Variants in ITPRIP observed in about 807,000 individuals in gnomAD.
ITPRIP encodes inositol 1,4,5-trisphosphate receptor-interacting protein.
A neutral mutation model predicts 35.8 loss-of-function variants in ITPRIP; 32 were observed. That is an observed-to-expected ratio of 0.89 (90% CI 0.68 to 1.20). The LOEUF (loss-of-function observed/expected upper bound fraction) is 1.20, where lower values mean the gene tolerates loss of function less well. ITPRIP is among the 50% of genes most tolerant of loss of function. ITPRIP has a pLI of 0.00. For missense variants in ITPRIP, 653 were observed against 735.6 expected (o/e 0.89, Z 1.30); for synonymous variants, 358 against 324.0 (o/e 1.11, Z -1.13).
rs2013474730 is a variant in ITPRIP, at chr10:104,311,108, A to C, written c.*3300T>G. The C allele has an allele frequency of 6.6e-6, 1 of 152,018 alleles. No individual in the cohort carries two copies. Among genetic ancestry groups the C allele is most frequent in the Admixed American group, 6.6e-5 (1 of 15,254 alleles). 9.4% of individuals were successfully genotyped at this position (152,018 alleles called of 1,614,324 possible). Reference sequence around the variant, plus strand: ...CCTGACAAATGCTTGTGGACTATTCATGACCTGCTTGGGAGAAGGGCTCAC... The same window carrying C: ...CCTGACAAATGCTTGTGGACTATTCCTGACCTGCTTGGGAGAAGGGCTCAC... On this transcript the variant is annotated 3_prime_UTR_variant, in exon 2 of 2. Coordinates refer to ENST00000337478, the MANE Select transcript of ITPRIP (RefSeq NM_001272013.2).
chr10:104,323,230 G>C (rs560810702), intron 1 of ITPRIP: 1 of 152,360 alleles, frequency 6.6e-6, no homozygotes, highest in East Asian at 1.9e-4. Context: ...TACATGACCA[G>C]CCATTTAGGA....
At chr10:104,317,127 C>T (rs149833923) in intron 1 of ITPRIP, among the ~76,000 whole-genome samples, 194 of 152,316 alleles carry the variant, frequency 1.3e-3, no homozygotes, top group African/African-American at 4.3e-3. Context: ...AGACCTTACC[C>T]CATATTCAGA....
At chr10:104,338,069 G>C (rs1203944444) in intron 1 of ITPRIP, among the ~76,000 whole-genome samples, 177 bp downstream of exon 1, 2 of 152,176 alleles carry the variant, frequency 1.3e-5, no homozygotes, top group Admixed American at 1.3e-4. Flanking sequence ...GGGCACGCGC[G>C]CTTTAAGGGA....
chr10:104,329,496 A>G (rs2135208182), intron 1 of ITPRIP, among the ~76,000 whole-genome samples: 1 of 152,300 alleles, frequency 6.6e-6, no homozygotes, highest in Non-Finnish European at 1.5e-5. Context: ...GCTGGCACCC[A>G]GTAGGTGTCC....
chr10:104,336,493 T>C (rs1294248977), intron 1 of ITPRIP, among the ~76,000 whole-genome samples: 1 of 108,118 alleles, frequency 9.2e-6, no homozygotes, highest in Non-Finnish European at 1.8e-5. Context: ...TTATTTTTTT[T>C]TGGGGGGGGG....
At chr10:104,327,702 G>A (rs576830525) in intron 1 of ITPRIP, among the ~76,000 whole-genome samples, 126 of 152,274 alleles carry the variant, frequency 8.3e-4, no homozygotes, top group Non-Finnish European at 1.4e-3. Context: ...TAGATGCACC[G>A]GCACACAGCA....
chr10:104,338,005 C>T (rs2014272276), intron 1 of ITPRIP, among the ~76,000 whole-genome samples: 1 of 152,124 alleles, frequency 6.6e-6, no homozygotes, highest in South Asian at 2.1e-4. Flanking sequence ...GGGACGCATC[C>T]CCCGACGCGG....
intron 1 of ITPRIP, among the ~76,000 whole-genome samples, chr10:104,329,197 C>T (rs1458186604): frequency 4.6e-5 from 7 of 152,210 alleles, no homozygotes; most frequent in African/African-American, 1.2e-4. Flanking sequence ...AAATTAAGAG[C>T]GTCTTTGCTT....
chr10:104,317,640 T>C (rs1343683433), intron 1 of ITPRIP, among the ~76,000 whole-genome samples: 1 of 152,184 alleles, frequency 6.6e-6, no homozygotes, highest in Non-Finnish European at 1.5e-5. Context: ...GGTCCTGAGA[T>C]TGTTGAGAGC....
intron 1 of ITPRIP, among the ~76,000 whole-genome samples, chr10:104,331,584 C>T (rs956533234): frequency 6.6e-6 from 1 of 152,150 alleles, no homozygotes; most frequent in Admixed American, 6.5e-5. Flanking sequence ...AAGCTGAGCC[C>T]CTCTTCCCAG....
intron 1 of ITPRIP, among the ~76,000 whole-genome samples, chr10:104,329,546 G>T (rs1378848800): frequency 6.6e-6 from 1 of 152,138 alleles, no homozygotes; most frequent in African/African-American, 2.4e-5. Context: ...TGACTCATAT[G>T]TGCGTCAGTC....
At chr10:104,320,311 A>G (rs1300831567) in intron 1 of ITPRIP, among the ~76,000 whole-genome samples, 1 of 152,152 alleles carries the variant, frequency 6.6e-6, no homozygotes. Context: ...CTTCAGCTAC[A>G]TAGTAAGAAC....
rs2013528741 is a variant in ITPRIP, at chr10:104,313,100, C to T, written c.*1308G>A. 1 of 985,440 alleles carries T rather than the reference C, an allele frequency of 1.0e-6. No homozygotes were observed. The highest frequency in any genetic ancestry group is 1.2e-6 in the Non-Finnish European group (1 of 830,000). The allele number at this position is 985,440 out of a possible 1,614,324, so 61.0% of individuals were successfully genotyped here. A position where few individuals can be genotyped will look rare whatever the true frequency, so the allele number is the denominator to read the frequency against. On this transcript the variant is annotated 3_prime_UTR_variant, in exon 2 of 2. Coordinates refer to ENST00000337478, the MANE Select transcript of ITPRIP (RefSeq NM_001272013.2). ...CCACACAGAAGGGGTGGGTTCTGTG[C>T]AGTGAGGGAGCCCCGCTGGAGTGAG...
At chr10:104,324,755 G>A (rs753378182) in intron 1 of ITPRIP, among the ~76,000 whole-genome samples, 6 of 152,296 alleles carry the variant, frequency 3.9e-5, no homozygotes, top group Admixed American at 1.3e-4. Flanking sequence ...GACACTGGTC[G>A]ACTGGATGGC....
intron 1 of ITPRIP, among the ~76,000 whole-genome samples, chr10:104,317,357 C>A (rs1246136494): frequency 6.6e-6 from 1 of 152,138 alleles, no homozygotes; most frequent in African/African-American, 2.4e-5. Context: ...AAGTATGATT[C>A]ACGGACCAGC....
At chr10:104,319,158 G>A (rs977062825) in intron 1 of ITPRIP, among the ~76,000 whole-genome samples, 2 of 152,252 alleles carry the variant, frequency 1.3e-5, no homozygotes, top group African/African-American at 4.8e-5. Flanking sequence ...GTGACTGTGG[G>A]TGGATCGCAC....
At chr10:104,337,372 A>ATC (rs2014258217) in intron 1 of ITPRIP, among the ~76,000 whole-genome samples, 1 of 152,248 alleles carries the variant, frequency 6.6e-6, no homozygotes, top group East Asian at 1.9e-4. Flanking sequence ...TGAGACCAGT[A>ATC]TCTGGTACTC....
chr10:104,336,505 GGGC>G (rs2014239217), intron 1 of ITPRIP, among the ~76,000 whole-genome samples: 1 of 150,628 alleles, frequency 6.6e-6, no homozygotes, highest in Admixed American at 6.6e-5. Flanking sequence ...GGGGGGGGGG[GGGC>G]AGCGGGGCAT....
In ITPRIP at chr10:104,315,346, C is replaced by G; in HGVS notation, c.706G>C (p.Asp236His). The G allele has an allele frequency of 1.9e-6, 3 of 1,562,902 alleles. No individual in the cohort carries two copies. The highest frequency in any genetic ancestry group is 2.6e-6 in the Non-Finnish European group (3 of 1,151,130). The change falls in exon 2 of 2, where the codon GAT (aspartate) becomes CAT (histidine). Residue 236 changes from aspartate (D) to histidine (H), a missense_variant. Coordinates refer to ENST00000337478, the MANE Select transcript of ITPRIP (RefSeq NM_001272013.2). This position sits in a 1 kb window ranked among gnomAD's most constrained non-coding sequence, Gnocchi z 5.7. ...LWCSGRSVPLDRQGYGQIKVV... is the reference protein window; with the variant it reads ...LWCSGRSVPLHRQGYGQIKVV... Reference sequence around the variant, plus strand: ...TTGATCTGGCCGTAGCCCTGGCGATCCAGGGGCACTGAGCGGCCGGAGCAC... The same window carrying G: ...TTGATCTGGCCGTAGCCCTGGCGATGCAGGGGCACTGAGCGGCCGGAGCAC...
Sources: allele counts gnomAD v4.1 joint callset (sites outside exome capture counted in the v4.1 genomes callset), GRCh38; gene constraint gnomAD v4.1.1; non-coding constraint Gnocchi (gnomAD v3.1); transcripts MANE v1.5; gene names NCBI Gene and HGNC (gene_info 2026-07-23, HGNC 2026-07-21).